PTPRD: variants seen among roughly 807,000 people sequenced by gnomAD.
The protein encoded by PTPRD is protein tyrosine phosphatase receptor type D, also known as receptor-type tyrosine-protein phosphatase delta.
In PTPRD, 34 loss-of-function variants were observed where a neutral mutation model predicts 214.5. The ratio of observed to expected loss-of-function variants is 0.16; its 90% CI spans 0.12 to 0.21. The LOEUF (loss-of-function observed/expected upper bound fraction) is 0.21. PTPRD is among the 10% of genes least tolerant of loss of function. The pLI is 1.00. For missense variants in PTPRD, 2,545 were observed against 2,398.7 expected, an observed-to-expected ratio of 1.06 and a Z score of -1.27; for synonymous variants, 1,128 against 845.7, an observed-to-expected ratio of 1.33 and a Z score of -5.79.
chr9:10,211,948 TACA>T (rs1370699015), intron 3 of PTPRD, among the ~76,000 whole-genome samples: 3 of 152,260 alleles, frequency 2.0e-5, no homozygotes, highest in South Asian at 4.1e-4. Context: ...CTTAAATGTA[TACA>T]ACATTTTTTA....
At chr9:9,602,662 G>T (rs2093862832) in intron 7 of PTPRD, among the ~76,000 whole-genome samples, 1 of 151,828 alleles carries the variant, frequency 6.6e-6, no homozygotes, top group African/African-American at 2.4e-5. Flanking sequence ...AGATATACAA[G>T]CATTCTTTTG....
At chr9:9,331,294 A>AC (rs758400312) in intron 9 of PTPRD, among the ~76,000 whole-genome samples, 25 of 151,320 alleles carry the variant, frequency 1.7e-4, no homozygotes, top group Admixed American at 4.6e-4. Context: ...GTCTTTTTCC[A>AC]CCCCCATTTC....
chr9:9,089,108 T>A (rs2099771840), intron 10 of PTPRD, among the ~76,000 whole-genome samples: 1 of 152,140 alleles, frequency 6.6e-6, no homozygotes, highest in Non-Finnish European at 1.5e-5. Flanking sequence ...AACCCTTTAA[T>A]GTGGCTGTGT....
chr9:9,771,580 T>A (rs551460464), intron 5 of PTPRD, among the ~76,000 whole-genome samples: 1 of 152,312 alleles, frequency 6.6e-6, no homozygotes, highest in South Asian at 2.1e-4. Flanking sequence ...CACATCACCT[T>A]ATTTAAATGT....
intron 14 of PTPRD, among the ~76,000 whole-genome samples, chr9:8,612,571 G>A (rs906774163): frequency 6.6e-6 from 1 of 152,184 alleles, no homozygotes; most frequent in Non-Finnish European, 1.5e-5. Flanking sequence ...GGAATGCATT[G>A]GTCAGAAGAA....
intron 2 of PTPRD, among the ~76,000 whole-genome samples, chr9:10,508,138 T>C (rs2046681381): frequency 6.6e-6 from 1 of 152,112 alleles, no homozygotes; most frequent in Non-Finnish European, 1.5e-5. Context: ...GGGTGAAGGA[T>C]ATGAACAGAC....
chr9:10,097,860 A>G (rs1305352334), intron 3 of PTPRD, among the ~76,000 whole-genome samples: 1 of 151,642 alleles, frequency 6.6e-6, no homozygotes, highest in East Asian at 2.0e-4. Flanking sequence ...ATTCAGTATG[A>G]TATTGGCTGT....
At position 8,351,954 on chromosome 9, in the gene PTPRD, C is replaced by T. The variant is rs571115947; in HGVS notation, c.4662-9976G>A. On this transcript the variant is annotated intron_variant, in intron 39 of 45. Coordinates refer to ENST00000381196, the MANE Select transcript of PTPRD (RefSeq NM_002839.4). The stretch of plus-strand genomic sequence containing the variant: ...ATCCTTGTATAGAATACTGAAAGAT[C>T]AGGGATGAGCTACCAGGTTATATCC... 1.8e-4 allele frequency among the ~76,000 whole-genome samples: 27 copies of T among 151,790 alleles called. No homozygotes were observed. In the South Asian group the frequency reaches 5.6e-3, roughly 32 times the overall value.
chr9:9,839,437 G>T (rs192957750), intron 5 of PTPRD, among the ~76,000 whole-genome samples: 10 of 152,188 alleles, frequency 6.6e-5, no homozygotes, highest in Admixed American at 5.9e-4. Flanking sequence ...AATCATGAGG[G>T]AACTCCCATT....
intron 7 of PTPRD, among the ~76,000 whole-genome samples, chr9:9,668,012 G>A (rs1421447335): frequency 6.6e-6 from 1 of 152,100 alleles, no homozygotes; most frequent in Non-Finnish European, 1.5e-5. Context: ...AAAATGGACA[G>A]ATTATCATCC....
intron 12 of PTPRD, among the ~76,000 whole-genome samples, chr9:8,711,807 A>C (rs1031002142): frequency 1.3e-5 from 2 of 152,234 alleles, no homozygotes; most frequent in South Asian, 2.1e-4. Context: ...CTTCATTCAT[A>C]ATCACCAAAT....
At chr9:10,466,812 G>A (rs935358388) in intron 2 of PTPRD, among the ~76,000 whole-genome samples, 1 of 151,992 alleles carries the variant, frequency 6.6e-6, no homozygotes, top group Non-Finnish European at 1.5e-5. Flanking sequence ...ATGGCTTAGT[G>A]GCAAAACCTG....
intron 5 of PTPRD, among the ~76,000 whole-genome samples, chr9:9,864,786 T>C (rs938633846): frequency 3.5e-4 from 53 of 152,124 alleles, no homozygotes; most frequent in Non-Finnish European, 7.3e-5. Context: ...AGCACTAGGA[T>C]TGCAGACATG....
chr9:9,950,414 G>C (rs2093333774), intron 4 of PTPRD, among the ~76,000 whole-genome samples: 1 of 152,138 alleles, frequency 6.6e-6, no homozygotes, highest in Non-Finnish European at 1.5e-5. Context: ...TTAAGACCTA[G>C]TTTATTTGGC....
chr9:9,442,126 A>G (rs2088205176), intron 8 of PTPRD: 1 of 152,320 alleles, frequency 6.6e-6, no homozygotes, highest in Non-Finnish European at 1.5e-5. Flanking sequence ...GGATCGCTTG[A>G]GTCCAGGAGT....
At position 9,620,099 on chromosome 9, in the gene PTPRD, A is replaced by G. The variant is rs542383019; in HGVS notation, c.-286-45318T>C. ...TTGAAGTCCTTCTGATGAATTTTCCAATTGCCTGGGATTCATAAACCCATG... is the reference window on the plus strand; with the variant it reads ...TTGAAGTCCTTCTGATGAATTTTCCGATTGCCTGGGATTCATAAACCCATG... On this transcript the variant is annotated intron_variant, in intron 7 of 45. Coordinates refer to ENST00000381196, the MANE Select transcript of PTPRD (RefSeq NM_002839.4). Among the ~76,000 whole-genome samples, 3 of 152,098 alleles carry G rather than the reference A, an allele frequency of 2.0e-5. No homozygotes were observed. In the East Asian group the frequency reaches 5.8e-4, roughly 29 times the overall value.
At chr9:8,798,657 G>A (rs7871947) in intron 11 of PTPRD, among the ~76,000 whole-genome samples, 21 of 152,254 alleles carry the variant, frequency 1.4e-4, no homozygotes, top group African/African-American at 4.3e-4. Flanking sequence ...TCTACTCTAC[G>A]TTAAGTGTTG....
chr9:9,857,872 A>G (rs926753205), intron 5 of PTPRD, among the ~76,000 whole-genome samples: 11 of 152,146 alleles, frequency 7.2e-5, no homozygotes, highest in Non-Finnish European at 1.0e-4. Context: ...GAGAACATTA[A>G]TATCTTTTAA....
At chr9:9,923,024 A>T (rs897156409) in intron 5 of PTPRD, among the ~76,000 whole-genome samples, 1 of 151,942 alleles carries the variant, frequency 6.6e-6, no homozygotes, top group South Asian at 2.1e-4. Flanking sequence ...GGTAAGTAAG[A>T]CTATCTTTAT....
Sources: allele counts gnomAD v4.1 joint callset (sites outside exome capture counted in the v4.1 genomes callset), GRCh38; gene constraint gnomAD v4.1.1; transcripts MANE v1.5; gene names NCBI Gene and HGNC (gene_info 2026-07-23, HGNC 2026-07-21).